The following STK32B variants were observed in gnomAD, a reference collection of about 807,000 sequenced individuals.
The protein encoded by STK32B is serine/threonine kinase 32B, also known as serine/threonine-protein kinase 32B.
STK32B carries 43 observed loss-of-function variants against 52.6 expected under a neutral mutation model. The observed-to-expected ratio is 0.82, with a 90% CI of 0.64 to 1.05. The LOEUF is 1.05. Among genes scored for constraint, STK32B ranks in the 50% least tolerant of loss-of-function variants. STK32B has a pLI of 0.00. For missense variants in STK32B, 621 were observed against 534.6 expected, an observed-to-expected ratio of 1.16 and a Z score of -1.59; for synonymous variants, 238 against 204.3, an observed-to-expected ratio of 1.17 and a Z score of -1.41.
the STK32B span, among the ~76,000 whole-genome samples, chr4:5,038,455 T>G: frequency 6.6e-6 from 1 of 152,204 alleles, no homozygotes; most frequent in Admixed American, 6.5e-5. Flanking sequence ...TCATAGAGAA[T>G]ACTTACACAG....
intron 6 of STK32B, among the ~76,000 whole-genome samples, chr4:5,417,557 G>C (rs573314271): frequency 6.6e-6 from 1 of 151,828 alleles, no homozygotes; most frequent in East Asian, 1.9e-4. Context: ...TATTTGTTTT[G>C]TGTGTTTTCT....
At chr4:5,020,489 G>A in the STK32B span, among the ~76,000 whole-genome samples, 36 of 152,224 alleles carry the variant, frequency 2.4e-4, no homozygotes, top group Admixed American at 1.3e-3. Context: ...AATTGTCTCT[G>A]TGAGGTAGGT....
At chr4:5,327,235 A>G (rs1007949261) in intron 3 of STK32B, among the ~76,000 whole-genome samples, 2 of 151,576 alleles carry the variant, frequency 1.3e-5, no homozygotes, top group Admixed American at 6.6e-5. Context: ...CATGAGGGTT[A>G]GAATCCACTT....
chr4:5,130,576 A>T (rs141560990), intron 1 of STK32B, among the ~76,000 whole-genome samples: 10 of 152,194 alleles, frequency 6.6e-5, no homozygotes, highest in African/African-American at 2.4e-4. Flanking sequence ...CCTTCCTGAG[A>T]ACTGCAGTGG....
At chr4:5,224,747 A>G (rs779575288) in intron 3 of STK32B, among the ~76,000 whole-genome samples, 4 of 152,178 alleles carry the variant, frequency 2.6e-5, no homozygotes, top group Non-Finnish European at 5.9e-5. Flanking sequence ...AATAATATTA[A>G]TGACAAATAA....
chr4:5,262,452 C>T (rs1264551973), intron 3 of STK32B, among the ~76,000 whole-genome samples: 3 of 147,554 alleles, frequency 2.0e-5, no homozygotes, highest in African/African-American at 7.9e-5. Context: ...GGTGAAACCC[C>T]GTCTCTACTA....
chr4:5,177,999 C>G (rs550435823), intron 3 of STK32B, among the ~76,000 whole-genome samples: 2 of 152,300 alleles, frequency 1.3e-5, no homozygotes, highest in Non-Finnish European at 2.9e-5. Context: ...ATTCTGGGGT[C>G]TGGAGGACAG....
chr4:5,464,977 A>G (rs1717325653), intron 9 of STK32B, among the ~76,000 whole-genome samples: 1 of 152,154 alleles, frequency 6.6e-6, no homozygotes, highest in African/African-American at 2.4e-5. Flanking sequence ...GTGTGAAATC[A>G]GGGAAGGTGA....
chr4:5,347,675 C>CAG (rs1276815325), intron 4 of STK32B, among the ~76,000 whole-genome samples: 2 of 152,108 alleles, frequency 1.3e-5, no homozygotes, highest in Non-Finnish European at 2.9e-5. Flanking sequence ...AAAGAAGGGG[C>CAG]CTGGTGGGAG....
At chr4:5,028,258 T>A in the STK32B span, among the ~76,000 whole-genome samples, 2 of 152,158 alleles carry the variant, frequency 1.3e-5, no homozygotes, top group Non-Finnish European at 2.9e-5. Flanking sequence ...CTCAGGAGGA[T>A]CTGGGACTAC....
chr4:5,462,928 C>T (rs1304765756), intron 9 of STK32B, among the ~76,000 whole-genome samples: 1 of 152,232 alleles, frequency 6.6e-6, no homozygotes, highest in Non-Finnish European at 1.5e-5. Context: ...AAATAAACCA[C>T]AGGGCAGGGC....
rs556757351 is a variant in STK32B at position 5,416,078 on chromosome 4, C to T, written c.473-767C>T. Among the ~76,000 whole-genome samples the T allele has an allele frequency of 2.0e-5, 3 of 152,242 alleles. No homozygotes were observed. The South Asian group carries it at 6.2e-4, about 32-fold the overall frequency. On this transcript the variant is annotated intron_variant, in intron 5 of 11. Coordinates refer to ENST00000282908, the MANE Select transcript of STK32B (RefSeq NM_018401.3). Reference sequence around the variant, plus strand: ...TTGCAGTTATAACTATTATCCAAGGCTTTCTGAGCTGGAGTCTTATATGTA... The same window carrying T: ...TTGCAGTTATAACTATTATCCAAGGTTTTCTGAGCTGGAGTCTTATATGTA...
intron 3 of STK32B, among the ~76,000 whole-genome samples, chr4:5,184,101 C>T (rs377256426): frequency 6.6e-6 from 1 of 152,152 alleles, no homozygotes; most frequent in African/African-American, 2.4e-5. Flanking sequence ...GCTAACTGCT[C>T]GGCAAAAGAA....
chr4:5,391,619 A>C (rs1238551999), intron 4 of STK32B, among the ~76,000 whole-genome samples: 1 of 152,150 alleles, frequency 6.6e-6, no homozygotes, highest in East Asian at 1.9e-4. Context: ...AGAGCACCCA[A>C]GATGGTCTGG....
chr4:5,035,327 C>T, the STK32B span, among the ~76,000 whole-genome samples: 188 of 152,256 alleles, frequency 1.2e-3, no homozygotes, highest in East Asian at 0.031. Flanking sequence ...ATCTTTCTAG[C>T]TTGAGTAAAT....
chr4:5,318,992 G>C (rs1731304038), intron 3 of STK32B, among the ~76,000 whole-genome samples: 1 of 152,010 alleles, frequency 6.6e-6, no homozygotes, highest in African/African-American at 2.4e-5. Context: ...TTTTAGTAGA[G>C]ATGGGGTTTC....
chr4:5,422,283 A>T (rs1445346042), intron 6 of STK32B, among the ~76,000 whole-genome samples: 1 of 152,194 alleles, frequency 6.6e-6, no homozygotes, highest in Non-Finnish European at 1.5e-5. Flanking sequence ...CAAATCTTGC[A>T]GCTCCTGGGG....
At chr4:5,213,524 A>G (rs149206638) in intron 3 of STK32B, among the ~76,000 whole-genome samples, 80 of 152,356 alleles carry the variant, frequency 5.3e-4, no homozygotes, top group African/African-American at 1.9e-3. Flanking sequence ...TGAAGCAGAT[A>G]GAGATCAATC....
intron 1 of STK32B, among the ~76,000 whole-genome samples, chr4:5,128,354 A>G (rs1169557331): frequency 6.6e-6 from 1 of 152,214 alleles, no homozygotes; most frequent in South Asian, 2.1e-4. Flanking sequence ...CGATAGTTTA[A>G]TTCTTATTGT....
Sources: allele counts gnomAD v4.1 joint callset (sites outside exome capture counted in the v4.1 genomes callset), GRCh38; gene constraint gnomAD v4.1.1; transcripts MANE v1.5; gene names NCBI Gene and HGNC (gene_info 2026-07-23, HGNC 2026-07-21).